Variants in MOK observed in about 807,000 individuals in gnomAD.
MOK encodes the protein MOK protein kinase.
A neutral mutation model predicts 54.2 loss-of-function variants in MOK; 59 were observed. That is an observed-to-expected ratio of 1.09 (90% CI 0.88 to 1.35). MOK has a LOEUF of 1.35. Ranked by LOEUF, MOK falls within the 40% of genes most tolerant of loss-of-function variation. MOK has a pLI of 0.00. For synonymous variants in MOK, 210 were observed against 202.7 expected, an observed-to-expected ratio of 1.04 and a Z score of -0.31; for missense variants, 517 against 526.2, an observed-to-expected ratio of 0.98 and a Z score of 0.17.
downstream of MOK, chr14:102,223,047 C>G (rs897088877): frequency 1.4e-6 from 1 of 691,026 alleles, no homozygotes; most frequent in African/African-American, 1.8e-5. Flanking sequence ...GCGCCGTGCT[C>G]CCGCTGCTCA....
intron 1 of MOK, among the ~76,000 whole-genome samples, chr14:102,298,131 A>C (rs1481916421): frequency 6.6e-6 from 1 of 152,164 alleles, no homozygotes; most frequent in African/African-American, 2.4e-5. Context: ...GGGATCCACT[A>C]GGTGAAGCCA....
chr14:102,253,825 A>G (rs1013472300), intron 4 of MOK, among the ~76,000 whole-genome samples: 3 of 152,170 alleles, frequency 2.0e-5, no homozygotes, highest in Non-Finnish European at 2.9e-5. Flanking sequence ...CAGTTTGGAA[A>G]TCCACTTCCT....
intron 1 of MOK, among the ~76,000 whole-genome samples, chr14:102,299,118 G>C (rs1252777502): frequency 6.6e-6 from 1 of 152,058 alleles, no homozygotes; most frequent in African/African-American, 2.4e-5. Context: ...ACCAACTGCG[G>C]ACACACCAGC....
At chr14:102,269,422 TG>T (rs1331217494) in intron 2 of MOK, among the ~76,000 whole-genome samples, 1 of 151,072 alleles carries the variant, frequency 6.6e-6, no homozygotes, top group African/African-American at 2.4e-5. Flanking sequence ...CAACCTGAGG[TG>T]ATCCACCCGC....
Position 102,230,595 on chromosome 14 carries a change from C to T in MOK, c.982-938G>A, listed in dbSNP as rs973106029. On this transcript the variant is annotated intron_variant, in intron 10 of 11. Transcript: ENST00000361847. This position sits in a 1 kb window ranked among gnomAD's most constrained non-coding sequence, Gnocchi z 4.1. ...CCTCGGATGTGACTGAGGGTGGGGA[C>T]TTGGGTGAATGCCGGCCAGGAGTGA... 28 of 152,434 alleles carry T rather than the reference C, an allele frequency of 1.8e-4. No individual in the cohort carries two copies. The highest frequency in any genetic ancestry group is 6.8e-4 in the African/African-American group (28 of 41,416). 9.4% of individuals were successfully genotyped at this position (152,434 alleles called of 1,614,324 possible). A position where few individuals can be genotyped will look rare whatever the true frequency, so the allele number is the denominator to read the frequency against.
chr14:102,299,285 G>A (rs970582376), intron 1 of MOK, among the ~76,000 whole-genome samples: 4 of 152,282 alleles, frequency 2.6e-5, no homozygotes, highest in Non-Finnish European at 4.4e-5. Flanking sequence ...AGGCCGAGGC[G>A]GGCAGATCAC....
In MOK at chr14:102,288,798, G is replaced by A. The variant is rs548403683; in HGVS notation, c.8-5206C>T. The stretch of plus-strand genomic sequence containing the variant: ...TGAAGTGACCAGAATGGGCTGAAGG[G>A]GACACCCATGATACCAGTAACACTC... On this transcript the variant is annotated intron_variant, in intron 1 of 11. Transcript: ENST00000361847. Among the ~76,000 whole-genome samples the A allele has an allele frequency of 2.1e-4, 32 of 152,294 alleles. No individual in the cohort carries two copies. In the South Asian group the frequency reaches 6.0e-3, roughly 29 times the overall value.
chr14:102,266,190 T>G (rs938970128), intron 2 of MOK, among the ~76,000 whole-genome samples: 3 of 152,160 alleles, frequency 2.0e-5, no homozygotes, highest in African/African-American at 7.2e-5. Context: ...AACATAAAAG[T>G]AGACATTAAA....
chr14:102,263,464 T>C (rs557584067), intron 4 of MOK, 82 bp downstream of exon 4: 11 of 991,938 alleles, frequency 1.1e-5, no homozygotes, highest in Non-Finnish European at 1.4e-5. Flanking sequence ...TGGTGACTAA[T>C]GATGTTGAGA....
At position 102,229,915 on chromosome 14, in the gene MOK, T is replaced by C. The variant is rs2064515676; in HGVS notation, c.982-258A>G. The C allele has an allele frequency of 1.1e-5, 5 of 461,950 alleles. No homozygotes were observed. In the South Asian group the frequency reaches 1.8e-4, roughly 16 times the overall value. 28.6% of individuals were successfully genotyped at this position (461,950 alleles called of 1,614,324 possible). A position where few individuals can be genotyped will look rare whatever the true frequency, so the allele number is the denominator to read the frequency against. The stretch of plus-strand genomic sequence containing the variant: ...CTGAGCAGTGCGGGCGGCAAAGGGC[T>C]CGCGGGCTGTGGTGCCCACGCCTCC... On this transcript the variant is annotated intron_variant, in intron 10 of 11. Coordinates refer to ENST00000361847, the MANE Select transcript of MOK (RefSeq NM_014226.3).
chr14:102,255,571 A>G (rs2066885292), intron 4 of MOK, among the ~76,000 whole-genome samples: 1 of 152,098 alleles, frequency 6.6e-6, no homozygotes, highest in African/African-American at 2.4e-5. Flanking sequence ...TACTGCTGGC[A>G]TGAGGTATCA....
At chr14:102,234,015 G>A (rs1383009292) in intron 7 of MOK, 15 of 470,272 alleles carry the variant, frequency 3.2e-5, no homozygotes, top group South Asian at 8.6e-5. Context: ...TGACCATACC[G>A]AAGAACTCCC....
intron 1 of MOK, among the ~76,000 whole-genome samples, chr14:102,289,251 G>GAA (rs35083800): frequency 1.4e-5 from 2 of 142,240 alleles, no homozygotes; most frequent in African/African-American, 5.2e-5. Context: ...AATAAAATCA[G>GAA]AAAAAAAAAA....
intron 2 of MOK, among the ~76,000 whole-genome samples, chr14:102,279,371 T>C (rs2069184702): frequency 6.6e-6 from 1 of 152,154 alleles, no homozygotes; most frequent in Non-Finnish European, 1.5e-5. Context: ...CATGGCTCAC[T>C]GCAACCTCAA....
At chr14:102,234,488 C>T (rs1223891711) in intron 7 of MOK, among the ~76,000 whole-genome samples, 2 of 152,150 alleles carry the variant, frequency 1.3e-5, no homozygotes, top group Non-Finnish European at 2.9e-5. Context: ...GCCTCCAGGC[C>T]TCTGGTTCCT....
At position 102,230,913 on chromosome 14, in the gene MOK, A is replaced by C. The variant is rs2064635468; in HGVS notation, c.981+794T>G. The C allele has an allele frequency of 6.6e-6, 1 of 152,340 alleles. No individual in the cohort carries two copies. The highest frequency in any genetic ancestry group is 6.5e-5 in the Admixed American group (1 of 15,288). 9.4% of individuals were successfully genotyped at this position (152,340 alleles called of 1,614,324 possible). A position where few individuals can be genotyped will look rare whatever the true frequency, so the allele number is the denominator to read the frequency against. ...TTCGGACATTCAAGTGGAGCTGTCA[A>C]ATCAGGGACCAATGGGACACAGGAG... On this transcript the variant is annotated intron_variant, in intron 10 of 11. Coordinates refer to ENST00000361847, the MANE Select transcript of MOK (RefSeq NM_014226.3). The surrounding 1 kb of genome is among the most constrained non-coding windows in gnomAD (Gnocchi z 4.1).
chr14:102,251,775 G>A lies in MOK; in HGVS notation c.392C>T (p.Pro131Leu). Residue 131 changes from proline (P) to leucine (L), a missense_variant, in exon 6 of 12, where the codon CCA becomes CTA. Physicochemically the swap from Pro to Leu is moderately conservative, Grantham distance 98. Transcript: ENST00000361847. ...TCTTACCTTTATTAGTATATTTTCT[G>A]GTTTTACATCTCTGTGAAATATTCC... ...RNGIFHRDVK[P>L]ENILIKQDVL... 1.9e-6 allele frequency: 3 copies of A among 1,569,548 alleles called. No individual in the cohort carries two copies. The highest frequency in any genetic ancestry group is 2.6e-6 in the Non-Finnish European group (3 of 1,141,652).
chr14:102,262,863 T>C (rs2067589017), intron 4 of MOK, among the ~76,000 whole-genome samples: 1 of 152,210 alleles, frequency 6.6e-6, no homozygotes, highest in Admixed American at 6.5e-5. Context: ...AATGTAACAC[T>C]TGCTATGTTG....
At chr14:102,218,103 G>A in the MOK span, among the ~76,000 whole-genome samples, 4 of 152,362 alleles carry the variant, frequency 2.6e-5, no homozygotes, top group East Asian at 1.9e-4. Flanking sequence ...CTTTGTCCAC[G>A]ATCTCAGGAG....
Sources: gnomAD v4.1 joint callset for allele counts (sites outside exome capture counted in the v4.1 genomes callset) on GRCh38, gnomAD v4.1.1 for gene constraint, Gnocchi (gnomAD v3.1) non-coding constraint, MANE v1.5 for transcripts, NCBI Gene and HGNC (gene_info 2026-07-23, HGNC 2026-07-21) for gene names.